C1S: variants seen among roughly 807,000 people sequenced by gnomAD.
The protein encoded by C1S is complement C1s subcomponent.
A neutral mutation model predicts 54.0 loss-of-function variants in C1S; 31 were observed. The ratio of observed to expected loss-of-function variants is 0.57; its 90% CI spans 0.43 to 0.78. The LOEUF (loss-of-function observed/expected upper bound fraction) is 0.78, where lower values mean the gene tolerates loss of function less well. Among genes scored for constraint, C1S ranks in the 30% least tolerant of loss-of-function variants. The probability of loss-of-function intolerance (pLI) is 0.00; values close to 1 mark genes in which losing one functional copy is unlikely to be tolerated. For synonymous variants in C1S, 292 were observed against 303.6 expected, an observed-to-expected ratio of 0.96 and a Z score of 0.40; for missense variants, 727 against 851.8, an observed-to-expected ratio of 0.85 and a Z score of 1.82.
intron 10 of C1S, among the ~76,000 whole-genome samples, chr12:7,068,146 T>C (rs1388653101): frequency 6.6e-6 from 1 of 152,236 alleles, no homozygotes; most frequent in Non-Finnish European, 1.5e-5. Flanking sequence ...GCTTTGGTCA[T>C]GCTAGGTGCA....
In C1S at chr12:7,067,089, G is replaced by A. The variant is rs782476821; in HGVS notation, c.1038G>A (p.Lys346=). ...SFYSTCQSNG[K]WSNSKLKCQP... is the part of the protein sequence containing the mutation. Reference sequence around the variant, plus strand: ...ATTCGACTTGTCAAAGCAATGGAAAGTGGAGTAATTCCAAACTGAAATGTC... The same window carrying A: ...ATTCGACTTGTCAAAGCAATGGAAAATGGAGTAATTCCAAACTGAAATGTC... Residue 346 remains lysine (K), a synonymous_variant, in exon 9 of 12, where the codon AAG becomes AAA. Transcript: ENST00000360817. 1 of 1,610,598 alleles carries A rather than the reference G, an allele frequency of 6.2e-7. No homozygotes were observed.
In C1S at chr12:7,065,125, T is replaced by G. The variant is rs1222744666; in HGVS notation, c.543T>G (p.Thr181=). The change falls in exon 6 of 12, where the codon ACT becomes ACG. Residue 181 remains threonine, a synonymous_variant. Coordinates refer to ENST00000360817, the MANE Select transcript of C1S (RefSeq NM_001734.5). ...CGVNCSGDVF[T]ALIGEIASPN... is the part of the protein sequence containing the mutation. The stretch of plus-strand genomic sequence containing the variant: ...TTAATTGCAGTGGGGATGTATTCAC[T>G]GCACTGATTGGGGAGATTGCAAGTC... 3 of 1,613,954 alleles carry G rather than the reference T, an allele frequency of 1.9e-6. No individual in the cohort carries two copies. The highest frequency in any genetic ancestry group is 3.3e-4 in the Middle Eastern group (2 of 6,084).
At chr12:7,066,711 C>A in intron 8 of C1S, 78 bp downstream of exon 8, 1 of 861,320 alleles carries the variant, frequency 1.2e-6, no homozygotes, top group Non-Finnish European at 2.0e-6. Flanking sequence ...CAGTTGTTTA[C>A]CCAATGTATG....
At position 7,064,284 on chromosome 12, in the gene C1S, G is replaced by A. The variant is rs1947140848; in HGVS notation, c.409G>A (p.Asp137Asn). ...YVATDINECT[D>N]FVDVPCSHFC... is the part of the protein sequence containing the mutation. The stretch of plus-strand genomic sequence containing the variant: ...CTTTGTAGACATAAATGAATGCACA[G>A]ATTTTGTAGATGTCCCTTGTAGCCA... The change falls in exon 5 of 12, where the codon GAT becomes AAT. Residue 137 changes from aspartate to asparagine, a missense_variant. Physicochemically the swap from Asp to Asn is conservative, Grantham distance 23. Around this residue, in one of 3 missense-constraint regions of C1S, gnomAD observed 357 missense variants for 365.4 expected, o/e 0.98. Transcript: ENST00000360817. The A allele has an allele frequency of 6.2e-7, 1 of 1,614,018 alleles. No individual in the cohort carries two copies. Among genetic ancestry groups the A allele is most frequent in the East Asian group, 2.2e-5 (1 of 44,882 alleles).
intron 9 of C1S, 152 bp from the exon 10 acceptor site, chr12:7,067,490 AG>A: frequency 1.2e-6 from 1 of 842,946 alleles, no homozygotes; most frequent in Admixed American, 1.7e-5. Context: ...CCAGTTGGGG[AG>A]GATGGCCACA....
At chr12:7,065,056 C>T (rs1555161877) in intron 5 of C1S, 44 bp from the exon 6 acceptor site, 3 of 1,501,752 alleles carry the variant, frequency 2.0e-6, no homozygotes, top group Admixed American at 1.7e-5. Flanking sequence ...AATTCCTTTG[C>T]TTGACCCTGT....
At position 7,062,455 on chromosome 12, in the gene C1S, C is replaced by T. The variant is rs1947106740; in HGVS notation, c.6-20C>T. 6.2e-7 allele frequency: 1 copy of T among 1,602,790 alleles called. No homozygotes were observed. The highest frequency in any genetic ancestry group is 1.7e-5 in the Admixed American group (1 of 59,972). On this transcript the variant is annotated intron_variant, in intron 2 of 11. Transcript: ENST00000360817. ...TACTGGTGCCTGGTCACCCGCCAAT[C>T]TATGCCTCTGTTTTTTCAGGTGCAT...
chr12:7,061,931 G>A lies in C1S; in HGVS notation c.5+14G>A. On this transcript the variant is annotated intron_variant, in intron 2 of 11. Transcript: ENST00000360817. The stretch of plus-strand genomic sequence containing the variant: ...GCCAGAGATGTGGTAAGTGATCAAG[G>A]GTCCCTGAGATGACACAGACTCCAT... 6.2e-7 allele frequency: 1 copy of A among 1,613,424 alleles called. No homozygotes were observed. The highest frequency in any genetic ancestry group is 8.5e-7 in the Non-Finnish European group (1 of 1,179,592).
rs782186929 is a variant in C1S at position 7,065,145 on chromosome 12, C to T, written c.563C>T (p.Ala188Val). ...TTCACTGCACTGATTGGGGAGATTGCAAGTCCCAATTATCCCAAACCATAT... is the reference window on the plus strand; with the variant it reads ...TTCACTGCACTGATTGGGGAGATTGTAAGTCCCAATTATCCCAAACCATAT... ...DVFTALIGEIASPNYPKPYPE... is the reference protein window; with the variant it reads ...DVFTALIGEIVSPNYPKPYPE... The change falls in exon 6 of 12, where the codon GCA (alanine) becomes GTA (valine). Residue 188 changes from alanine to valine, a missense_variant. Coordinates refer to ENST00000360817, the MANE Select transcript of C1S (RefSeq NM_001734.5). 3 of 1,613,950 alleles carry T rather than the reference C, an allele frequency of 1.9e-6. No individual in the cohort carries two copies. Among genetic ancestry groups the T allele is most frequent in the Non-Finnish European group, 2.5e-6 (3 of 1,179,868 alleles).
chr12:7,064,385 T>A lies in C1S; in HGVS notation c.510T>A (p.Asn170Lys). Residue 170 changes from asparagine to lysine, a missense_variant, in exon 5 of 12, where the codon AAT becomes AAA. Physicochemically the swap from Asn to Lys is moderately conservative, Grantham distance 94. Coordinates refer to ENST00000360817, the MANE Select transcript of C1S (RefSeq NM_001734.5). ...ATTTCCTCCATGATGACATGAAGAA[T>A]TGCGGAGGTGAGCTTGGTGTTAAGA... ...PEYFLHDDMK[N>K]CGVNCSGDVF... 6.2e-7 allele frequency: 1 copy of A among 1,614,112 alleles called. No homozygotes were observed. Among genetic ancestry groups the A allele is most frequent in the South Asian group, 1.1e-5 (1 of 91,086 alleles).
chr12:7,063,114 T>A, intron 4 of C1S, 47 bp downstream of exon 4: 1 of 1,544,458 alleles, frequency 6.5e-7, no homozygotes, highest in Non-Finnish European at 8.9e-7. Context: ...AGCTAAAAGA[T>A]TAGAAATGAG....
At chr12:7,068,691 G>T (rs376845379) in intron 11 of C1S, 161 bp downstream of exon 11, 1 of 634,444 alleles carries the variant, frequency 1.6e-6, no homozygotes, top group African/African-American at 1.8e-5. Flanking sequence ...TGCCAGGGCC[G>T]TGGGGAACCT....
At chr12:7,064,973 G>C in intron 5 of C1S, 127 bp from the exon 6 acceptor site, 1 of 767,428 alleles carries the variant, frequency 1.3e-6, no homozygotes. Flanking sequence ...CCTCCAGTTA[G>C]GGCAGGGATC....
At position 7,062,472 on chromosome 12, in the gene C1S, C is replaced by G; in HGVS notation, c.6-3C>G. On this transcript the variant is annotated splice_region_variant and splice_polypyrimidine_tract_variant and intron_variant, in intron 2 of 11. Transcript: ENST00000360817. Reference sequence around the variant, plus strand: ...CCGCCAATCTATGCCTCTGTTTTTTCAGGTGCATTGTCCTGTTTTCACTTT... The same window carrying G: ...CCGCCAATCTATGCCTCTGTTTTTTGAGGTGCATTGTCCTGTTTTCACTTT... 6.2e-7 allele frequency: 1 copy of G among 1,611,888 alleles called. No homozygotes were observed. The highest frequency in any genetic ancestry group is 1.7e-5 in the Admixed American group (1 of 60,010).
rs781971920 is a variant in C1S, at chr12:7,067,701, C to T, written c.1125C>T (p.Ser375=). 3.7e-6 allele frequency: 6 copies of T among 1,613,728 alleles called. No homozygotes were observed. The highest frequency in any genetic ancestry group is 4.2e-6 in the Non-Finnish European group (5 of 1,179,644). ...ATGGTAAAGTTGAAGACCCAGAGAG[C>T]ACTTTGTTTGGTTCTGTCATCCGCT... The part of the protein sequence containing the change: ...IENGKVEDPE[S]TLFGSVIRYT... Residue 375 remains serine (S), a synonymous_variant, in exon 10 of 12, where the codon AGC becomes AGT. Transcript: ENST00000360817.
intron 9 of C1S, chr12:7,067,367 G>A (rs1291947410): frequency 4.8e-6 from 3 of 625,324 alleles, no homozygotes; most frequent in South Asian, 1.8e-5. Flanking sequence ...CCACGTGGGT[G>A]CATTTGTGGC....
Position 7,061,851 on chromosome 12 carries a change from G to A in C1S, c.-62G>A, listed in dbSNP as rs782197459. 5.0e-6 allele frequency: 8 copies of A among 1,606,946 alleles called. No homozygotes were observed. Among genetic ancestry groups the A allele is most frequent in the East Asian group, 2.2e-5 (1 of 44,826 alleles). ...TGCCACCCCTTAGGCTCCAAAGTCC[G>A]GAGGTGCAGAAAGCCAGGACCAAGA... On this transcript the variant is annotated 5_prime_UTR_variant, in exon 2 of 12. Coordinates refer to ENST00000360817, the MANE Select transcript of C1S (RefSeq NM_001734.5).
Position 7,066,532 on chromosome 12 carries a change from A to G in C1S, c.886A>G (p.Lys296Glu). 6.2e-7 allele frequency: 1 copy of G among 1,609,558 alleles called. No homozygotes were observed. Among genetic ancestry groups the G allele is most frequent in the South Asian group, 1.1e-5 (1 of 91,002 alleles). Residue 296 changes from lysine (K) to glutamate (E), a missense_variant, in exon 8 of 12, where the codon AAG (lysine) becomes GAG (glutamate). Around this residue, in one of 3 missense-constraint regions of C1S, gnomAD observed 357 missense variants for 365.4 expected, o/e 0.98. Coordinates refer to ENST00000360817, the MANE Select transcript of C1S (RefSeq NM_001734.5). Reference protein sequence around the residue: ...RYHGDPMPCPKEDTPNSVWEP... With the variant: ...RYHGDPMPCPEEDTPNSVWEP... ...GTTCTTTCAAGCAATGCCCTGCCCTAAGGAAGACACTCCCAATTCTGTTTG... is the reference window on the plus strand; with the variant it reads ...GTTCTTTCAAGCAATGCCCTGCCCTGAGGAAGACACTCCCAATTCTGTTTG...
intron 1 of C1S, chr12:7,061,192 A>C (rs1351613726): frequency 6.6e-6 from 1 of 152,386 alleles, no homozygotes; most frequent in Admixed American, 6.5e-5. Context: ...AAACGAATGT[A>C]GGAAGTTTTT....
Sources: allele counts gnomAD v4.1 joint callset (sites outside exome capture counted in the v4.1 genomes callset), GRCh38; gene constraint gnomAD v4.1.1; regional missense constraint gnomAD v4.1.1; transcripts MANE v1.5; gene names NCBI Gene and HGNC (gene_info 2026-07-23, HGNC 2026-07-21).